EPHA4: variants seen among roughly 807,000 people sequenced by gnomAD.
The protein encoded by EPHA4 is EPH receptor A4.
A neutral mutation model predicts 108.3 loss-of-function variants in EPHA4; 19 were observed. The observed-to-expected ratio is 0.18, with a 90% CI of 0.12 to 0.26. EPHA4 has a LOEUF of 0.26. Ranked by LOEUF, EPHA4 falls within the 10% of genes least tolerant of loss-of-function variation. The probability of loss-of-function intolerance (pLI) is 1.00; values close to 1 mark genes in which losing one functional copy is unlikely to be tolerated. For synonymous variants in EPHA4, 449 were observed against 455.5 expected (o/e 0.99, Z 0.18); for missense variants, 917 against 1,254.0 (o/e 0.73, Z 4.06).
intron 5 of EPHA4, among the ~76,000 whole-genome samples, chr2:221,473,144 C>A (rs934553705): frequency 6.6e-6 from 1 of 152,062 alleles, no homozygotes; most frequent in African/African-American, 2.4e-5. Flanking sequence ...TTCAGGGGAG[C>A]CTGGGGAACC....
At chr2:221,563,539 C>T (rs917563439) in intron 3 of EPHA4, among the ~76,000 whole-genome samples, 192 bp downstream of exon 3, 8 of 152,180 alleles carry the variant, frequency 5.3e-5, no homozygotes, top group Non-Finnish European at 8.8e-5. Context: ...ACAGCAGCAT[C>T]ATTTATTTTG....
chr2:221,509,252 C>T (rs556921953), intron 3 of EPHA4, among the ~76,000 whole-genome samples: 3 of 152,148 alleles, frequency 2.0e-5, no homozygotes, highest in Non-Finnish European at 4.4e-5. Context: ...CACTTGAACC[C>T]GGGAGGCGGA....
rs1158917793 is a variant in EPHA4, at chr2:221,566,809, AAGAAGAAGG to A, written c.159+1900_159+1908del. On this transcript the variant is annotated intron_variant, in intron 2 of 17. Transcript: ENST00000281821. ...GAAGGAGAAGAAGAAGAGGGAGAAG[AAGAAGAAGG>A]AGAAGAAGGAGAAGGAGAAGAAGGA... Among the ~76,000 whole-genome samples, 30 of 145,054 alleles carry A rather than the reference AAGAAGAAGG, an allele frequency of 2.1e-4. 1 individual carries two copies. The highest frequency in any genetic ancestry group is 3.0e-4 in the Non-Finnish European group (20 of 66,894).
intron 8 of EPHA4, among the ~76,000 whole-genome samples, chr2:221,448,639 C>T (rs532297829): frequency 3.4e-4 from 52 of 152,250 alleles, no homozygotes; most frequent in African/African-American, 1.2e-3. Flanking sequence ...AAAATGCCAT[C>T]GATTGGTCCC....
intron 4 of EPHA4, among the ~76,000 whole-genome samples, chr2:221,486,759 T>TAAC (rs1691986498): frequency 6.8e-6 from 1 of 147,850 alleles, no homozygotes; most frequent in African/African-American, 2.5e-5. Context: ...ATAATAATAA[T>TAAC]AATAATAATA....
chr2:221,424,962 C>G (rs1355876131), intron 17 of EPHA4, among the ~76,000 whole-genome samples: 2 of 150,100 alleles, frequency 1.3e-5, no homozygotes, highest in Non-Finnish European at 2.9e-5. Context: ...CATCTAGGAC[C>G]ATCCCTCAGA....
chr2:221,567,503 T>C (rs939087985), intron 2 of EPHA4, among the ~76,000 whole-genome samples: 1 of 152,180 alleles, frequency 6.6e-6, no homozygotes, highest in Non-Finnish European at 1.5e-5. Context: ...TTTAAAAAGA[T>C]GGTTTTAAGG....
At chr2:221,469,580 G>A (rs1355673179) in intron 5 of EPHA4, among the ~76,000 whole-genome samples, 1 of 152,148 alleles carries the variant, frequency 6.6e-6, no homozygotes, top group Non-Finnish European at 1.5e-5. Context: ...AATGGAGCCT[G>A]AATATATTAT....
At chr2:221,461,164 T>C (rs1691125933) in intron 5 of EPHA4, among the ~76,000 whole-genome samples, 1 of 152,198 alleles carries the variant, frequency 6.6e-6, no homozygotes, top group Non-Finnish European at 1.5e-5. Flanking sequence ...TCAGAATTAC[T>C]GAGAAAGAAT....
At chr2:221,568,141 A>C (rs1053432530) in intron 2 of EPHA4, among the ~76,000 whole-genome samples, 1 of 152,224 alleles carries the variant, frequency 6.6e-6, no homozygotes, top group African/African-American at 2.4e-5. Flanking sequence ...ACAGACACAT[A>C]AACTTTTCAT....
At position 221,545,173 on chromosome 2, in the gene EPHA4, C is replaced by A. The variant is rs1281739307; in HGVS notation, c.823+18558G>T. ...AAGCAAATAAAAAGGTATGGCCGGG[C>A]GCGGTGGCTCACGCCTTTAATCCCA... On this transcript the variant is annotated intron_variant, in intron 3 of 17. Coordinates refer to ENST00000281821, the MANE Select transcript of EPHA4 (RefSeq NM_004438.5). Among the ~76,000 whole-genome samples the A allele has an allele frequency of 3.9e-5, 6 of 152,278 alleles. No homozygotes were observed. In the South Asian group the frequency reaches 1.2e-3, roughly 32 times the overall value.
intron 13 of EPHA4, among the ~76,000 whole-genome samples, chr2:221,434,495 TAAG>T (rs1690172165): frequency 1.4e-5 from 2 of 140,820 alleles, no homozygotes; most frequent in African/African-American, 6.5e-5. Flanking sequence ...GGGAAGTGAC[TAAG>T]TAATCTAATT....
chr2:221,449,849 A>G (rs1690716599), intron 8 of EPHA4, among the ~76,000 whole-genome samples: 1 of 152,212 alleles, frequency 6.6e-6, no homozygotes, highest in Admixed American at 6.5e-5. Flanking sequence ...TATTCAGCTA[A>G]AGTGCATATT....
intron 17 of EPHA4, among the ~76,000 whole-genome samples, chr2:221,423,326 C>T (rs935807714): frequency 2.0e-5 from 3 of 152,174 alleles, no homozygotes; most frequent in African/African-American, 7.2e-5. Flanking sequence ...CATAGCTGTC[C>T]GGATGCCAGA....
chr2:221,561,823 T>G (rs1300052667), intron 3 of EPHA4, among the ~76,000 whole-genome samples: 2 of 152,238 alleles, frequency 1.3e-5, no homozygotes. Context: ...CACGAAGATG[T>G]GCTAATGCTG....
intron 3 of EPHA4, among the ~76,000 whole-genome samples, chr2:221,506,010 G>A (rs971452097): frequency 3.3e-5 from 5 of 152,090 alleles, no homozygotes; most frequent in African/African-American, 7.2e-5. Flanking sequence ...GTCGCTTGAG[G>A]GTCTAGAAAT....
intron 3 of EPHA4, among the ~76,000 whole-genome samples, chr2:221,533,963 C>T (rs1404423153): frequency 6.6e-6 from 1 of 152,060 alleles, no homozygotes; most frequent in African/African-American, 2.4e-5. Context: ...TTACCTTTTC[C>T]CACATCTGCG....
intron 4 of EPHA4, among the ~76,000 whole-genome samples, chr2:221,499,044 C>A (rs1443239488): frequency 6.6e-6 from 1 of 151,444 alleles, no homozygotes; most frequent in East Asian, 1.9e-4. Context: ...CCTGCCTCGG[C>A]CTCCCAAAGT....
intron 3 of EPHA4, among the ~76,000 whole-genome samples, chr2:221,521,422 G>T (rs1157301312): frequency 2.6e-5 from 4 of 152,168 alleles, no homozygotes; most frequent in Admixed American, 1.3e-4. Context: ...GGGAAGACAG[G>T]AAGACATGTC....
Sources: gnomAD v4.1 joint callset for allele counts (sites outside exome capture counted in the v4.1 genomes callset) on GRCh38, gnomAD v4.1.1 for gene constraint, MANE v1.5 for transcripts, NCBI Gene and HGNC (gene_info 2026-07-23, HGNC 2026-07-21) for gene names.